Variants in TMED3 observed in about 807,000 individuals in gnomAD.
The protein encoded by TMED3 is transmembrane p24 trafficking protein 3, also known as transmembrane emp24 domain-containing protein 3.
In TMED3, 9 loss-of-function variants were observed where a neutral mutation model predicts 15.0. The ratio of observed to expected loss-of-function variants is 0.60; its 90% CI spans 0.36 to 1.04. The LOEUF (loss-of-function observed/expected upper bound fraction) is 1.04, where lower values mean the gene tolerates loss of function less well. TMED3 is among the 50% of genes least tolerant of loss of function. The pLI is 0.01. For synonymous variants in TMED3, 117 were observed against 121.4 expected (o/e 0.96, Z 0.24); for missense variants, 267 against 278.9 (o/e 0.96, Z 0.30).
chr15:79,392,951 T>G (rs759254273), intron 2 of TMED3, among the ~76,000 whole-genome samples: 4 of 152,182 alleles, frequency 2.6e-5, no homozygotes, highest in Non-Finnish European at 5.9e-5. Context: ...AATTGGAATC[T>G]TTATCCTTCT....
intron 2 of TMED3, among the ~76,000 whole-genome samples, chr15:79,336,024 G>A (rs1400318925): frequency 1.3e-5 from 2 of 152,180 alleles, no homozygotes; most frequent in Non-Finnish European, 2.9e-5. Context: ...CAGCTAGTAA[G>A]GAAAATAAGG....
chr15:79,319,867 A>G (rs971424480), intron 2 of TMED3, among the ~76,000 whole-genome samples: 1 of 152,220 alleles, frequency 6.6e-6, no homozygotes, highest in Non-Finnish European at 1.5e-5. Context: ...TACTTTCACT[A>G]ATTTGCTACT....
chr15:79,335,778 G>A (rs1260644033), intron 2 of TMED3, among the ~76,000 whole-genome samples: 5 of 152,172 alleles, frequency 3.3e-5, no homozygotes, highest in African/African-American at 1.2e-4. Flanking sequence ...GGAGGTGAGG[G>A]AAGGTAAGAG....
chr15:79,326,967 G>T (rs1003212078), downstream of TMED3, among the ~76,000 whole-genome samples: 1 of 152,212 alleles, frequency 6.6e-6, no homozygotes, highest in African/African-American at 2.4e-5. Flanking sequence ...GCAAAGGGAA[G>T]CCAGTGTACA....
At chr15:79,365,096 C>A (rs571759734) in intron 2 of TMED3, among the ~76,000 whole-genome samples, 3 of 152,166 alleles carry the variant, frequency 2.0e-5, no homozygotes, top group African/African-American at 7.2e-5. Context: ...GCAGCGGAGA[C>A]GAGGGAACAG....
At chr15:79,337,199 A>G (rs772385376) in intron 2 of TMED3, among the ~76,000 whole-genome samples, 3 of 152,222 alleles carry the variant, frequency 2.0e-5, no homozygotes, top group African/African-American at 4.8e-5. Context: ...TCAAGGTGTC[A>G]ACAGGGTTGG....
At chr15:79,373,959 G>T (rs143196288) in intron 2 of TMED3, among the ~76,000 whole-genome samples, 1 of 152,302 alleles carries the variant, frequency 6.6e-6, no homozygotes, top group Non-Finnish European at 1.5e-5. Flanking sequence ...GGTTGTGGAA[G>T]CCAAGGTTCT....
At chr15:79,354,512 G>C (rs879356577) in intron 2 of TMED3, among the ~76,000 whole-genome samples, 1 of 151,866 alleles carries the variant, frequency 6.6e-6, no homozygotes, top group African/African-American at 2.4e-5. Context: ...TATGGATTCT[G>C]TCTGCTGATA....
intron 2 of TMED3, among the ~76,000 whole-genome samples, chr15:79,337,910 A>G (rs1406158206): frequency 6.6e-6 from 1 of 152,244 alleles, no homozygotes; most frequent in Non-Finnish European, 1.5e-5. Flanking sequence ...CATGGATGGG[A>G]ATGAATAAAC....
chr15:79,335,969 G>C (rs1380895198), intron 2 of TMED3, among the ~76,000 whole-genome samples: 1 of 150,776 alleles, frequency 6.6e-6, no homozygotes, highest in East Asian at 1.9e-4. Context: ...TCTTACAGAT[G>C]AGGAAACTGA....
rs200250526 is a variant in TMED3, at chr15:79,313,737, A to G, written c.169-20A>G. 250 of 1,605,036 alleles carry G rather than the reference A, an allele frequency of 1.6e-4. 1 individual carries two copies. The African/African-American group carries it at 3.1e-3, about 20-fold the overall frequency. ...TGGTGGTTGCTCCTTTGATAACAGC[A>G]ATTTTTTTATGGTTGTCAGGTCATC... is the stretch of plus-strand genomic sequence containing the variant. On this transcript the variant is annotated intron_variant, in intron 1 of 2. Transcript: ENST00000299705.
At chr15:79,404,537 A>G (rs1231910913) in intron 2 of TMED3, among the ~76,000 whole-genome samples, 2 of 21,216 alleles carry the variant, frequency 9.4e-5, no homozygotes, top group East Asian at 2.8e-3. Context: ...TTTGCCGTGC[A>G]TATTCTTTGT....
intron 2 of TMED3, among the ~76,000 whole-genome samples, chr15:79,377,691 A>C (rs1006535635): frequency 4.0e-5 from 5 of 126,104 alleles, no homozygotes; most frequent in Non-Finnish European, 6.3e-5. Context: ...TCTTTCGCCC[A>C]GGCCAGACTG....
At chr15:79,384,145 G>T (rs969449286) in intron 2 of TMED3, 1 of 152,196 alleles carries the variant, frequency 6.6e-6, no homozygotes, top group African/African-American at 2.4e-5. Flanking sequence ...AAGGTCACAG[G>T]TACCCAATAA....
intron 2 of TMED3, among the ~76,000 whole-genome samples, chr15:79,380,020 C>A (rs547332415): frequency 3.9e-5 from 6 of 152,208 alleles, no homozygotes; most frequent in Middle Eastern, 6.8e-3. Context: ...ATTCTGGTAG[C>A]TCAGAAAACA....
At chr15:79,353,287 TTA>T (rs1311466968) in intron 2 of TMED3, among the ~76,000 whole-genome samples, 8 of 48,064 alleles carry the variant, frequency 1.7e-4, no homozygotes, top group African/African-American at 4.8e-4. Flanking sequence ...ATAATATATA[TTA>T]TATGTATATT....
At position 79,331,001 on chromosome 15, in the gene TMED3, A is replaced by G. The variant is rs563837264; in HGVS notation, c.417+16996A>G. Among the ~76,000 whole-genome samples, 13 of 152,356 alleles carry G rather than the reference A, an allele frequency of 8.5e-5. No individual in the cohort carries two copies. The South Asian group carries it at 2.7e-3, about 32-fold the overall frequency. On this transcript the variant is annotated intron_variant, in intron 2 of 2. Transcript: ENST00000424155. ...CTGCAGGCTGTACAGGAAGCATAGT[A>G]GCATCTGTTTCTGGGGAGGCCTAAG...
At chr15:79,320,884 A>G (rs1291267094) in intron 2 of TMED3, among the ~76,000 whole-genome samples, 3 of 152,094 alleles carry the variant, frequency 2.0e-5, no homozygotes, top group Non-Finnish European at 4.4e-5. Flanking sequence ...TTGGGCTCCT[A>G]CCTGGAAGCT....
At chr15:79,329,873 T>G (rs945701242) in intron 2 of TMED3, among the ~76,000 whole-genome samples, 1 of 152,130 alleles carries the variant, frequency 6.6e-6, no homozygotes, top group Non-Finnish European at 1.5e-5. Context: ...ATAAATATAC[T>G]CTACAAGAGA....
Sources: allele counts gnomAD v4.1 joint callset (sites outside exome capture counted in the v4.1 genomes callset), GRCh38; gene constraint gnomAD v4.1.1; transcripts MANE v1.5; gene names NCBI Gene and HGNC (gene_info 2026-07-23, HGNC 2026-07-21).